The following PPWD1 variants were observed in gnomAD, a reference collection of about 807,000 sequenced individuals.
PPWD1 encodes peptidylprolyl isomerase domain and WD repeat containing 1, also known as peptidylprolyl isomerase domain and WD repeat-containing protein 1.
PPWD1 carries 43 observed loss-of-function variants against 68.8 expected under a neutral mutation model. The observed-to-expected ratio is 0.62, with a 90% CI of 0.49 to 0.81. PPWD1 has a LOEUF of 0.81. Among genes scored for constraint, PPWD1 ranks in the 30% least tolerant of loss-of-function variants. The pLI, the probability that PPWD1 is intolerant of heterozygous loss-of-function variation, is 0.00. For missense variants in PPWD1, 672 were observed against 804.8 expected (o/e 0.83, Z 2.00); for synonymous variants, 232 against 258.7 (o/e 0.90, Z 0.99).
Position 65,571,873 on chromosome 5 carries a change from C to G in PPWD1, c.556C>G (p.Pro186Ala). Residue 186 changes from proline (P) to alanine (A), a missense_variant, in exon 5 of 11, where the codon CCA becomes GCA. This residue lies in a region of PPWD1 where 484 missense variants were observed against 646.2 expected (regional missense o/e 0.75). Coordinates refer to ENST00000261308, the MANE Select transcript of PPWD1 (RefSeq NM_015342.4). ...TGGACAGTGTGAGTGGATCTATTGC[C>G]CAGGGGATGCAATTTCTTCAGTTGC... The part of the protein sequence containing the change: ...FPGQCEWIYC[P>A]GDAISSVAAS... The G allele has an allele frequency of 6.2e-7, 1 of 1,613,884 alleles. No homozygotes were observed. The highest frequency in any genetic ancestry group is 8.5e-7 in the Non-Finnish European group (1 of 1,179,926).
intron 2 of PPWD1, chr5:65,567,862 G>A (rs1255025506): frequency 1.4e-5 from 7 of 516,708 alleles, no homozygotes; most frequent in South Asian, 1.4e-4. Context: ...ACCAGGTAGT[G>A]TCTGAGCTTC....
intron 5 of PPWD1, chr5:65,576,448 C>T (rs1581158151): frequency 8.0e-6 from 5 of 621,822 alleles, no homozygotes; most frequent in Middle Eastern, 8.3e-4. Context: ...GCAATTTCGG[C>T]TCACTGCAGC....
intron 4 of PPWD1, 149 bp downstream of exon 4, chr5:65,570,147 G>A: frequency 1.6e-6 from 2 of 1,235,270 alleles, no homozygotes; most frequent in Admixed American, 3.0e-5. Context: ...ATTAGATACA[G>A]TGAAGCCTTA....
intron 5 of PPWD1, among the ~76,000 whole-genome samples, chr5:65,572,497 A>G (rs374315096): frequency 2.0e-5 from 3 of 151,640 alleles, no homozygotes; most frequent in African/African-American, 7.3e-5. Context: ...TTTCAAGTCA[A>G]TTATTGTCTT....
chr5:65,573,564 G>A lies in PPWD1; in HGVS notation c.969+1278G>A, dbSNP rs1195033250. On this transcript the variant is annotated intron_variant, in intron 5 of 10. Transcript: ENST00000261308. The stretch of plus-strand genomic sequence containing the variant: ...TTTTTTTTTTTTTTTAAGTACAGAC[G>A]GGTTTCACCGTGTTAGCCAGGCTGG... Among the ~76,000 whole-genome samples the A allele has an allele frequency of 9.8e-5, 7 of 71,366 alleles. No individual in the cohort carries two copies. In the Admixed American group the frequency reaches 1.1e-3, roughly 11 times the overall value. 46.8% of individuals were successfully genotyped at this position (71,366 alleles called of 152,430 possible).
chr5:65,583,794 T>A (rs1753704132), intron 8 of PPWD1, among the ~76,000 whole-genome samples: 1 of 151,886 alleles, frequency 6.6e-6, no homozygotes, highest in African/African-American at 2.4e-5. Context: ...TAAAAAAAAT[T>A]TTTTTTTATT....
intron 2 of PPWD1, chr5:65,569,048 A>C: frequency 2.2e-6 from 1 of 455,440 alleles, no homozygotes; most frequent in South Asian, 1.6e-5. Context: ...TGATGATAAA[A>C]ATACGTAGAG....
chr5:65,578,784 G>A (rs372594535), intron 6 of PPWD1, among the ~76,000 whole-genome samples: 15 of 135,378 alleles, frequency 1.1e-4, no homozygotes, highest in South Asian at 2.3e-4. Context: ...ATATATATGT[G>A]TATATATATA....
Position 65,569,090 on chromosome 5 carries a change from A to T in PPWD1, c.300-542A>T, listed in dbSNP as rs190816397. 5.7e-3 allele frequency: 2,590 copies of T among 451,610 alleles called. 61 individuals are homozygous for T. Among genetic ancestry groups the T allele is most frequent in the African/African-American group, 0.048 (2,374 of 49,938 alleles). 28.0% of individuals were successfully genotyped at this position (451,610 alleles called of 1,614,324 possible). ...TAAAATTAACTAAGGTAATATGTAC[A>T]AAGTACCTGACATATACTGGGTTTC... On this transcript the variant is annotated intron_variant, in intron 2 of 10. Transcript: ENST00000261308.
At chr5:65,580,461 C>T (rs1158082279) in intron 7 of PPWD1, among the ~76,000 whole-genome samples, 1 of 152,158 alleles carries the variant, frequency 6.6e-6, no homozygotes, top group Non-Finnish European at 1.5e-5. Context: ...ATTCATTCTA[C>T]CAGCCACACA....
chr5:65,565,574 C>T (rs959703384), intron 1 of PPWD1, among the ~76,000 whole-genome samples: 33 of 151,938 alleles, frequency 2.2e-4, no homozygotes, highest in African/African-American at 7.7e-4. Flanking sequence ...GAGGCTGAGG[C>T]GGGCAGATCA....
intron 4 of PPWD1, 44 bp downstream of exon 4, chr5:65,570,042 A>C (rs182599955): frequency 1.7e-4 from 265 of 1,517,248 alleles, no homozygotes; most frequent in Non-Finnish European, 1.1e-5. Flanking sequence ...TATTGAAGTA[A>C]TTTGTAAATC....
At chr5:65,584,877 T>G (rs368361977) in intron 8 of PPWD1, 137 bp from the exon 9 acceptor site, 2 of 714,220 alleles carry the variant, frequency 2.8e-6, no homozygotes, top group Non-Finnish European at 2.0e-6. Context: ...TTAGAGATTA[T>G]GAAAAAAAAA....
At chr5:65,586,756 T>A (rs978209488) in intron 10 of PPWD1, among the ~76,000 whole-genome samples, 1 of 152,158 alleles carries the variant, frequency 6.6e-6, no homozygotes, top group Non-Finnish European at 1.5e-5. Flanking sequence ...ACAGTACTTC[T>A]ACTATCAGTA....
chr5:65,581,697 T>C (rs1050422135), intron 7 of PPWD1, among the ~76,000 whole-genome samples: 2 of 152,252 alleles, frequency 1.3e-5, no homozygotes, highest in African/African-American at 4.8e-5. Context: ...CCAAGTTTAC[T>C]TGTGTGTTGA....
chr5:65,564,561 T>A (rs1269569064), intron 1 of PPWD1, among the ~76,000 whole-genome samples: 2 of 152,134 alleles, frequency 1.3e-5, no homozygotes, highest in Admixed American at 6.5e-5. Flanking sequence ...CCTCGTAATC[T>A]GCCTGCCTCG....
At chr5:65,586,217 G>A in intron 10 of PPWD1, 36 bp downstream of exon 10, 1 of 1,575,198 alleles carries the variant, frequency 6.3e-7, no homozygotes, top group Non-Finnish European at 8.6e-7. Flanking sequence ...ACTACAGATT[G>A]ATAGGTTATG....
rs1401948956 is a variant in PPWD1, at chr5:65,571,965, T to C, written c.648T>C (p.His216=). ...GCCGAGGAGATAACCAGCCACTTCA[T>C]ATTTTTGACAAACTCCATACATCAC... ...YDGRGDNQPL[H]IFDKLHTSPL... is the part of the protein sequence containing the mutation. Residue 216 remains histidine, a synonymous_variant, in exon 5 of 11, where the codon CAT becomes CAC. Transcript: ENST00000261308. 2.5e-6 allele frequency: 4 copies of C among 1,613,900 alleles called. No individual in the cohort carries two copies. Among genetic ancestry groups the C allele is most frequent in the Non-Finnish European group, 2.5e-6 (3 of 1,179,882 alleles).
Position 65,567,516 on chromosome 5 carries a change from T to C in PPWD1, c.200T>C (p.Leu67Ser). 1 of 1,607,226 alleles carries C rather than the reference T, an allele frequency of 6.2e-7. No individual in the cohort carries two copies. Among genetic ancestry groups the C allele is most frequent in the Non-Finnish European group, 8.5e-7 (1 of 1,176,648 alleles). Residue 67 changes from leucine to serine, a missense_variant, in exon 2 of 11, where the codon TTA becomes TCA. This residue lies in a region of PPWD1 where 188 missense variants were observed against 158.6 expected (regional missense o/e 1.19). Coordinates refer to ENST00000261308, the MANE Select transcript of PPWD1 (RefSeq NM_015342.4). ...TACTTTACTTTTTTTTCTTCAGTCT[T>C]AGAGTTTGAAAGAGTCTATCTTGAT... Reference protein sequence around the residue: ...EATLAKKRKVLEFERVYLDNL... With the variant: ...EATLAKKRKVSEFERVYLDNL...
Sources: gnomAD v4.1 joint callset for allele counts (sites outside exome capture counted in the v4.1 genomes callset) on GRCh38, gnomAD v4.1.1 for gene constraint, gnomAD v4.1.1 regional missense constraint, MANE v1.5 for transcripts, NCBI Gene and HGNC (gene_info 2026-07-23, HGNC 2026-07-21) for gene names.